ASAP2: variants seen among roughly 807,000 people sequenced by gnomAD.
ASAP2 encodes ArfGAP with SH3 domain, ankyrin repeat and PH domain 2.
Under a neutral mutation model 131.4 loss-of-function variants are expected in ASAP2, and 45 were observed. The ratio of observed to expected loss-of-function variants is 0.34; its 90% CI spans 0.27 to 0.44. The LOEUF (loss-of-function observed/expected upper bound fraction) is 0.44, where lower values mean the gene tolerates loss of function less well. Among genes scored for constraint, ASAP2 ranks in the 20% least tolerant of loss-of-function variants. The pLI is 1.00. For missense variants in ASAP2, 1,011 were observed against 1,297.0 expected (o/e 0.78, Z 3.39); for synonymous variants, 510 against 503.0 (o/e 1.01, Z -0.19).
intron 15 of ASAP2, among the ~76,000 whole-genome samples, chr2:9,360,963 A>G (rs1323610860): frequency 6.6e-6 from 1 of 152,200 alleles, no homozygotes; most frequent in Non-Finnish European, 1.5e-5. Flanking sequence ...CATGTTCTTC[A>G]TGAGACTGAG....
intron 21 of ASAP2, among the ~76,000 whole-genome samples, chr2:9,386,171 G>A (rs1675247779): frequency 6.6e-6 from 1 of 150,946 alleles, no homozygotes; most frequent in Non-Finnish European, 1.5e-5. Context: ...ATGCATTAAT[G>A]TTCTGATGTG....
At chr2:9,296,850 G>A (rs552641619) in intron 2 of ASAP2, among the ~76,000 whole-genome samples, 2 of 152,298 alleles carry the variant, frequency 1.3e-5, no homozygotes, top group East Asian at 3.9e-4. Flanking sequence ...AAAGACCACT[G>A]CTGTTGCTGT....
At chr2:9,308,818 A>G (rs1443491204) in intron 3 of ASAP2, among the ~76,000 whole-genome samples, 4 of 152,214 alleles carry the variant, frequency 2.6e-5, no homozygotes, top group Non-Finnish European at 5.9e-5. Context: ...GTCACGGCAC[A>G]TACTTCTCAG....
Position 9,389,349 on chromosome 2 carries a change from G to C in ASAP2, c.2383+803G>C, listed in dbSNP as rs1184466630. On this transcript the variant is annotated intron_variant, in intron 22 of 27. Transcript: ENST00000281419. This position sits in a 1 kb window ranked among gnomAD's most constrained non-coding sequence, Gnocchi z 4.7. The stretch of plus-strand genomic sequence containing the variant: ...GGGGCGGGGGGCCCAGGAAGGACAA[G>C]AGTCTGCACAGAGCATGTATCCAGG... 1.3e-5 allele frequency among the ~76,000 whole-genome samples: 2 copies of C among 152,228 alleles called. No homozygotes were observed. Among genetic ancestry groups the C allele is most frequent in the African/African-American group, 4.8e-5 (2 of 41,466 alleles).
At chr2:9,252,691 A>G (rs555352899) in intron 1 of ASAP2, among the ~76,000 whole-genome samples, 2 of 152,146 alleles carry the variant, frequency 1.3e-5, no homozygotes, top group African/African-American at 2.4e-5. Flanking sequence ...TGAGGCGGGC[A>G]GATCACGAGG....
chr2:9,377,375 AG>A (rs1674489498), intron 18 of ASAP2, among the ~76,000 whole-genome samples: 1 of 152,196 alleles, frequency 6.6e-6, no homozygotes, highest in African/African-American at 2.4e-5. Context: ...GTAGCAGGCA[AG>A]GAGGGATCCA....
intron 1 of ASAP2, among the ~76,000 whole-genome samples, chr2:9,259,909 T>G (rs1665458097): frequency 6.6e-6 from 1 of 152,216 alleles, no homozygotes; most frequent in Non-Finnish European, 1.5e-5. Flanking sequence ...TTGGGCTAAG[T>G]GGAGCCGAGT....
Position 9,297,409 on chromosome 2 carries a change from G to C in ASAP2, c.309G>C (p.Val103=). 6.2e-7 allele frequency: 1 copy of C among 1,614,202 alleles called. No individual in the cohort carries two copies. The highest frequency in any genetic ancestry group is 8.5e-7 in the Non-Finnish European group (1 of 1,180,040). Residue 103 remains valine, a synonymous_variant, in exon 3 of 28, where the codon GTG becomes GTC. Coordinates refer to ENST00000281419, the MANE Select transcript of ASAP2 (RefSeq NM_003887.3). ...DLGSAFLKFS[V]FTKELTALFK... ...GAAGTGCGTTCCTGAAGTTCTCAGTGTTTACAAAGGAGTTGACAGCACTTT... is the reference window on the plus strand; with the variant it reads ...GAAGTGCGTTCCTGAAGTTCTCAGTCTTTACAAAGGAGTTGACAGCACTTT...
intron 15 of ASAP2, among the ~76,000 whole-genome samples, chr2:9,364,888 G>A (rs917918513): frequency 2.6e-5 from 4 of 152,154 alleles, no homozygotes; most frequent in Non-Finnish European, 5.9e-5. Context: ...TAAATGGAGA[G>A]CTCCATTTTT....
Position 9,388,988 on chromosome 2 carries a change from C to T in ASAP2, c.2383+442C>T, listed in dbSNP as rs183124998. On this transcript the variant is annotated intron_variant, in intron 22 of 27. Transcript: ENST00000281419. ...GCGATTACTTCTTACCCATGATCCCCATAAAAGATATTGGGGAACGATGCT... is the reference window on the plus strand; with the variant it reads ...GCGATTACTTCTTACCCATGATCCCTATAAAAGATATTGGGGAACGATGCT... 4.4e-3 allele frequency among the ~76,000 whole-genome samples: 675 copies of T among 152,300 alleles called. 4 individuals are homozygous for T. The highest frequency in any genetic ancestry group is 0.016 in the African/African-American group (653 of 41,560).
chr2:9,251,687 T>G (rs1664720774), intron 1 of ASAP2, among the ~76,000 whole-genome samples: 1 of 152,038 alleles, frequency 6.6e-6, no homozygotes, highest in African/African-American at 2.4e-5. Flanking sequence ...GGGTCTTTCC[T>G]GGGGACCTTC....
At chr2:9,269,666 C>A (rs1465099319) in intron 1 of ASAP2, among the ~76,000 whole-genome samples, 2 of 152,214 alleles carry the variant, frequency 1.3e-5, no homozygotes, top group Non-Finnish European at 2.9e-5. Context: ...GGAAGAGAAG[C>A]ATGGGGTTGG....
intron 7 of ASAP2, among the ~76,000 whole-genome samples, chr2:9,331,235 G>A (rs1670820098): frequency 6.6e-6 from 1 of 152,248 alleles, no homozygotes; most frequent in African/African-American, 2.4e-5. Flanking sequence ...AGGTTTGGCT[G>A]TTGACCCTTG....
intron 9 of ASAP2, among the ~76,000 whole-genome samples, chr2:9,338,607 C>T (rs551965281): frequency 1.1e-4 from 17 of 152,250 alleles, no homozygotes; most frequent in East Asian, 5.8e-4. Flanking sequence ...GTGGAGGACT[C>T]GTTTGTTGAT....
chr2:9,228,254 A>G (rs538905604), intron 1 of ASAP2, among the ~76,000 whole-genome samples: 10 of 152,324 alleles, frequency 6.6e-5, no homozygotes, highest in East Asian at 1.9e-4. Flanking sequence ...TGAGAGAATC[A>G]TATCTTCCTT....
At chr2:9,273,447 C>T (rs1002873106) in intron 1 of ASAP2, among the ~76,000 whole-genome samples, 1 of 152,218 alleles carries the variant, frequency 6.6e-6, no homozygotes, top group Non-Finnish European at 1.5e-5. Flanking sequence ...AATGGGTTCA[C>T]CTTGCCCGCT....
intron 24 of ASAP2, among the ~76,000 whole-genome samples, chr2:9,395,490 A>T (rs1204086847): frequency 6.6e-6 from 1 of 151,750 alleles, no homozygotes; most frequent in Non-Finnish European, 1.5e-5. Context: ...ATAAAAAAAT[A>T]AAGAATTTGG....
intron 11 of ASAP2, among the ~76,000 whole-genome samples, chr2:9,348,186 G>A (rs1296041444): frequency 2.0e-5 from 3 of 152,116 alleles, no homozygotes; most frequent in Non-Finnish European, 4.4e-5. Flanking sequence ...CAGGCTGGAT[G>A]GCTCACTGTG....
At position 9,389,779 on chromosome 2, in the gene ASAP2, C is replaced by T. The variant is rs1221359344; in HGVS notation, c.2383+1233C>T. Among the ~76,000 whole-genome samples, 4 of 152,182 alleles carry T rather than the reference C, an allele frequency of 2.6e-5. No individual in the cohort carries two copies. Among genetic ancestry groups the T allele is most frequent in the South Asian group, 2.1e-4 (1 of 4,816 alleles). On this transcript the variant is annotated intron_variant, in intron 22 of 27. Coordinates refer to ENST00000281419, the MANE Select transcript of ASAP2 (RefSeq NM_003887.3). The surrounding 1 kb of genome is among the most constrained non-coding windows in gnomAD (Gnocchi z 4.7). ...CCCACACAGCCCACATCCCAGACCG[C>T]GTCCATCCCTGGCTTGATGAGGACG... is the stretch of plus-strand genomic sequence containing the variant.
Sources: gnomAD v4.1 joint callset for allele counts (sites outside exome capture counted in the v4.1 genomes callset) on GRCh38, gnomAD v4.1.1 for gene constraint, Gnocchi (gnomAD v3.1) non-coding constraint, MANE v1.5 for transcripts, NCBI Gene and HGNC (gene_info 2026-07-23, HGNC 2026-07-21) for gene names.